PREX1: variants seen among roughly 807,000 people sequenced by gnomAD.
PREX1 encodes phosphatidylinositol 3,4,5-trisphosphate-dependent Rac exchanger 1 protein.
PREX1 carries 41 observed loss-of-function variants against 198.3 expected under a neutral mutation model. That is an observed-to-expected ratio of 0.21 (90% CI 0.16 to 0.27). The LOEUF (loss-of-function observed/expected upper bound fraction) is 0.27. Ranked by LOEUF, PREX1 falls within the 10% of genes least tolerant of loss-of-function variation. PREX1 has a pLI of 1.00. For missense variants in PREX1, 1,620 were observed against 2,200.7 expected, an observed-to-expected ratio of 0.74 and a Z score of 5.28; for synonymous variants, 843 against 887.2, an observed-to-expected ratio of 0.95 and a Z score of 0.89.
At chr20:48,629,396 C>T in intron 37 of PREX1, 53 bp downstream of exon 37, 1 of 1,589,452 alleles carries the variant, frequency 6.3e-7, no homozygotes, top group South Asian at 1.1e-5. Context: ...CCAAACTGAC[C>T]AGAAGCTAGG....
chr20:48,707,131 C>G (rs1478385693), intron 6 of PREX1, among the ~76,000 whole-genome samples: 1 of 152,234 alleles, frequency 6.6e-6, no homozygotes, highest in Non-Finnish European at 1.5e-5. Flanking sequence ...CCTCTTCTAA[C>G]GTTACCACGG....
At chr20:48,746,202 T>C (rs1019699902) in intron 2 of PREX1, among the ~76,000 whole-genome samples, 1 of 152,142 alleles carries the variant, frequency 6.6e-6, no homozygotes, top group Non-Finnish European at 1.5e-5. Flanking sequence ...TTTTGTATTT[T>C]AGTAGAGACA....
chr20:48,831,762 A>G (rs1368711203), upstream of PREX1, among the ~76,000 whole-genome samples: 1 of 152,138 alleles, frequency 6.6e-6, no homozygotes, highest in Admixed American at 6.5e-5. Context: ...GGTTGGTGGC[A>G]CCTCCAGGAC....
intron 1 of PREX1, among the ~76,000 whole-genome samples, chr20:48,769,276 C>T (rs959204010): frequency 6.6e-6 from 1 of 151,976 alleles, no homozygotes; most frequent in Non-Finnish European, 1.5e-5. Context: ...GGTGGTGGTG[C>T]GGGGGAGGGG....
At position 48,827,617 on chromosome 20, in the gene PREX1, C is replaced by T. The variant is rs112515792; in HGVS notation, c.219+25G>A. The stretch of plus-strand genomic sequence containing the variant: ...GGCGAGCGGCTGGAGGGAAAGCTGT[C>T]CCCAAGCTCCCGAGCGACACTCACC... On this transcript the variant is annotated intron_variant, in intron 1 of 39. Transcript: ENST00000371941. The surrounding 1 kb of genome is among the most constrained non-coding windows in gnomAD (Gnocchi z 4.1). The T allele has an allele frequency of 2.8e-4, 356 of 1,263,766 alleles. No individual in the cohort carries two copies. Among genetic ancestry groups the T allele is most frequent in the Non-Finnish European group, 2.1e-4 (205 of 992,464 alleles). The allele number at this position is 1,263,766 out of a possible 1,614,324, so 78.3% of individuals were successfully genotyped here.
chr20:48,655,002 C>T (rs1012781703), intron 19 of PREX1, among the ~76,000 whole-genome samples: 13 of 152,232 alleles, frequency 8.5e-5, no homozygotes, highest in African/African-American at 2.7e-4. Flanking sequence ...CAATAAGGAG[C>T]TCCAGCTGAG....
At chr20:48,825,310 A>C (rs2090504045) in intron 1 of PREX1, among the ~76,000 whole-genome samples, 1 of 152,162 alleles carries the variant, frequency 6.6e-6, no homozygotes, top group Non-Finnish European at 1.5e-5. Flanking sequence ...GGAAGCCCGG[A>C]TTCCCCGCTC....
intron 13 of PREX1, among the ~76,000 whole-genome samples, chr20:48,677,668 T>C (rs909902223): frequency 6.6e-6 from 1 of 152,164 alleles, no homozygotes; most frequent in Admixed American, 6.5e-5. Context: ...TGCTCTCCAA[T>C]AGGTAGCCAT....
At chr20:48,639,635 C>T (rs1601034220) in intron 30 of PREX1, 131 bp downstream of exon 30, 3 of 1,381,282 alleles carry the variant, frequency 2.2e-6, no homozygotes, top group Non-Finnish European at 3.0e-6. Flanking sequence ...GAGGGCATCA[C>T]TTCTCTTGTC....
the PREX1 span, among the ~76,000 whole-genome samples, chr20:48,842,492 C>A: frequency 1.3e-5 from 2 of 151,956 alleles, no homozygotes; most frequent in Non-Finnish European, 2.9e-5. Flanking sequence ...AGCTTGCTTT[C>A]TGGAGTGTGA....
At chr20:48,628,317 C>T (rs1360617965) in intron 37 of PREX1, among the ~76,000 whole-genome samples, 1 of 152,130 alleles carries the variant, frequency 6.6e-6, no homozygotes, top group Non-Finnish European at 1.5e-5. Flanking sequence ...TTGTCGGCTC[C>T]GTGGGGTTTG....
intron 7 of PREX1, among the ~76,000 whole-genome samples, chr20:48,696,292 T>C (rs1304243799): frequency 6.6e-6 from 1 of 152,184 alleles, no homozygotes; most frequent in Non-Finnish European, 1.5e-5. Context: ...GAGATAAGGG[T>C]CAAGAATCAC....
intron 1 of PREX1, among the ~76,000 whole-genome samples, chr20:48,764,342 G>A (rs1024423896): frequency 2.6e-5 from 4 of 152,122 alleles, no homozygotes; most frequent in Non-Finnish European, 5.9e-5. Context: ...CCTCAAAGAC[G>A]TCCACATACT....
In PREX1 at chr20:48,645,844, C is replaced by A. The variant is rs777221324; in HGVS notation, c.3512+7G>T. 3.2e-5 allele frequency: 51 copies of A among 1,613,620 alleles called. No homozygotes were observed. The highest frequency in any genetic ancestry group is 4.2e-5 in the Non-Finnish European group (49 of 1,179,838). On this transcript the variant is annotated splice_region_variant and intron_variant, in intron 26 of 39. Transcript: ENST00000371941. Reference sequence around the variant, plus strand: ...TCTAACCTCAGCCCCCTGACGGTGACACCCACCTGTAGGAGTCGCGATAAC... The same window carrying A: ...TCTAACCTCAGCCCCCTGACGGTGAAACCCACCTGTAGGAGTCGCGATAAC...
intron 8 of PREX1, 186 bp downstream of exon 8, chr20:48,692,486 T>G: frequency 1.9e-6 from 1 of 534,658 alleles, no homozygotes; most frequent in Non-Finnish European, 3.3e-6. Flanking sequence ...GGTGCAGTGT[T>G]TTATTTCTTA....
Position 48,625,917 on chromosome 20 carries a change from G to A in PREX1, c.4948C>T (p.Leu1650Phe). The change falls in exon 40 of 40, where the codon CTC becomes TTC. Residue 1650 changes from leucine (L) to phenylalanine (F), a missense_variant. Leu to Phe is a conservative substitution (Grantham distance 22). This residue lies in a region of PREX1 where 476 missense variants were observed against 603.4 expected (regional missense o/e 0.79). Transcript: ENST00000371941. ...MPQGAPRLYR[L>F]CQPPVDGDL ...TCCCCATCCACCGGCGGCTGGCAGA[G>A]GCGGTAGAGGCTGGGGATGGAGGCA... 6.4e-7 allele frequency: 1 copy of A among 1,562,204 alleles called. No homozygotes were observed. The highest frequency in any genetic ancestry group is 8.6e-7 in the Non-Finnish European group (1 of 1,156,796).
intron 1 of PREX1, among the ~76,000 whole-genome samples, chr20:48,773,515 GTACT>G (rs1396473807): frequency 6.6e-6 from 1 of 152,122 alleles, no homozygotes; most frequent in African/African-American, 2.4e-5. Flanking sequence ...CATTCAGCAG[GTACT>G]TACTGAGAAG....
intron 5 of PREX1, among the ~76,000 whole-genome samples, chr20:48,709,989 G>C (rs1363197865): frequency 1.3e-5 from 2 of 152,200 alleles, no homozygotes; most frequent in Non-Finnish European, 2.9e-5. Flanking sequence ...CAGGCCCCTG[G>C]GACTTTGCTG....
chr20:48,729,041 ATGCTGCCCCCC>A (rs1181597880), intron 4 of PREX1, among the ~76,000 whole-genome samples: 1 of 151,960 alleles, frequency 6.6e-6, no homozygotes, highest in Non-Finnish European at 1.5e-5. Context: ...CTTTCTGCCC[ATGCTGCCCCCC>A]TGGCTGATCC....
Sources: allele counts gnomAD v4.1 joint callset (sites outside exome capture counted in the v4.1 genomes callset), GRCh38; gene constraint gnomAD v4.1.1; regional missense constraint gnomAD v4.1.1; non-coding constraint Gnocchi (gnomAD v3.1); transcripts MANE v1.5; gene names NCBI Gene and HGNC (gene_info 2026-07-23, HGNC 2026-07-21).